CPLX2: variants seen among roughly 807,000 people sequenced by gnomAD.
The protein encoded by CPLX2 is complexin 2.
A neutral mutation model predicts 16.3 loss-of-function variants in CPLX2; 5 were observed. The observed-to-expected ratio is 0.31, with a 90% CI of 0.16 to 0.64. CPLX2 has a LOEUF of 0.64. CPLX2 is among the 30% of genes least tolerant of loss of function. CPLX2 has a pLI of 0.79. For missense variants in CPLX2, 144 were observed against 181.4 expected (o/e 0.79, Z 1.18); for synonymous variants, 89 against 73.2 (o/e 1.22, Z -1.10).
intron 1 of CPLX2, among the ~76,000 whole-genome samples, chr5:175,877,749 C>T (rs530285998): frequency 6.6e-6 from 1 of 152,226 alleles, no homozygotes; most frequent in Non-Finnish European, 1.5e-5. Context: ...CCCCCACCAC[C>T]TCCACTGGAA....
chr5:175,809,109 A>C lies in CPLX2; in HGVS notation c.-89+41A>C, dbSNP rs866413914. The C allele has an allele frequency of 6.6e-6, 1 of 152,290 alleles. No homozygotes were observed. Among genetic ancestry groups the C allele is most frequent in the South Asian group, 2.1e-4 (1 of 4,828 alleles). The allele number at this position is 152,290 out of a possible 1,614,324, so 9.4% of individuals were successfully genotyped here. ...AGCACTAAAGCCCTGGATAGTGTTC[A>C]GGGCATCCCCTCATCCCTGGAGCCC... On this transcript the variant is annotated intron_variant, in intron 2 of 4. Coordinates refer to the CPLX2 transcript ENST00000359546. The surrounding 1 kb of genome is among the most constrained non-coding windows in gnomAD (Gnocchi z 4.4).
rs533680395 is a variant in CPLX2 at position 175,836,178 on chromosome 5, G to A, written c.-89+27110G>A. Among the ~76,000 whole-genome samples, 23 of 152,110 alleles carry A rather than the reference G, an allele frequency of 1.5e-4. No individual in the cohort carries two copies. In the South Asian group the frequency reaches 2.5e-3, roughly 16 times the overall value. On this transcript the variant is annotated intron_variant, in intron 2 of 4. Coordinates refer to the CPLX2 transcript ENST00000359546. ...ATCCTGGCTAACACGGTGAAACCCC[G>A]TCTCTACTAAAAATACAAAAAATTA...
chr5:175,822,500 G>A (rs1033724017), intron 2 of CPLX2, among the ~76,000 whole-genome samples: 2 of 152,202 alleles, frequency 1.3e-5, no homozygotes, highest in Non-Finnish European at 2.9e-5. Context: ...TACCGTTAAC[G>A]AGGCTCTTTA....
chr5:175,872,458 G>A lies in CPLX2; in HGVS notation c.-89+753G>A, dbSNP rs1759651195. On this transcript the variant is annotated intron_variant, in intron 1 of 3. Transcript: ENST00000393745. This position sits in a 1 kb window ranked among gnomAD's most constrained non-coding sequence, Gnocchi z 5.0. ...GGGTCTTGGGGTTGGAGCTATGTGT[G>A]TTGGGGGAAGGGGCGCTCTCCGTGG... is the stretch of plus-strand genomic sequence containing the variant. Among the ~76,000 whole-genome samples the A allele has an allele frequency of 6.6e-6, 1 of 152,182 alleles. No homozygotes were observed. The highest frequency in any genetic ancestry group is 2.4e-5 in the African/African-American group (1 of 41,454).
intron 2 of CPLX2, among the ~76,000 whole-genome samples, chr5:175,865,713 C>T (rs1318368061): frequency 6.6e-6 from 1 of 152,208 alleles, no homozygotes; most frequent in East Asian, 1.9e-4. Context: ...TCTTATGATT[C>T]TCTGACTCTA....
intron 2 of CPLX2, among the ~76,000 whole-genome samples, chr5:175,860,350 A>G (rs1759337945): frequency 6.6e-6 from 1 of 151,626 alleles, no homozygotes; most frequent in Non-Finnish European, 1.5e-5. Flanking sequence ...TGAGCCCAGG[A>G]GGTTTTAGGC....
At chr5:175,847,495 T>C (rs1286914544) in intron 2 of CPLX2, among the ~76,000 whole-genome samples, 2 of 152,166 alleles carry the variant, frequency 1.3e-5, no homozygotes, top group Admixed American at 1.3e-4. Context: ...GAGCCGCCGC[T>C]AAAGCTAGGA....
chr5:175,798,886 C>A (rs1016155798), intron 1 of CPLX2, among the ~76,000 whole-genome samples: 1 of 152,164 alleles, frequency 6.6e-6, no homozygotes, highest in East Asian at 1.9e-4. Flanking sequence ...GACATCACAT[C>A]ATTTCATACA....
chr5:175,819,779 A>T (rs1198117776), intron 2 of CPLX2, among the ~76,000 whole-genome samples: 5 of 152,162 alleles, frequency 3.3e-5, no homozygotes, highest in Admixed American at 1.3e-4. Flanking sequence ...TATTTCACAG[A>T]TGAAATGGCC....
rs538921973 is a variant in CPLX2 at position 175,830,771 on chromosome 5, G to A, written c.-89+21703G>A. 6.6e-5 allele frequency among the ~76,000 whole-genome samples: 10 copies of A among 152,202 alleles called. No individual in the cohort carries two copies. Among genetic ancestry groups the A allele is most frequent in the Non-Finnish European group, 1.2e-4 (8 of 68,038 alleles). On this transcript the variant is annotated intron_variant, in intron 2 of 4. Transcript: ENST00000359546. This position sits in a 1 kb window ranked among gnomAD's most constrained non-coding sequence, Gnocchi z 4.0. Reference sequence around the variant, plus strand: ...TCCCTCCAGATCCTCACCCCTGTGGGCTGGGGGCAGCGTTCACCCTGCTCA... The same window carrying A: ...TCCCTCCAGATCCTCACCCCTGTGGACTGGGGGCAGCGTTCACCCTGCTCA...
chr5:175,829,796 C>T (rs560653381), intron 2 of CPLX2, among the ~76,000 whole-genome samples: 161 of 152,332 alleles, frequency 1.1e-3, no homozygotes, highest in African/African-American at 3.7e-3. Context: ...GACACAAAGC[C>T]AGAGATGCGG....
intron 1 of CPLX2, among the ~76,000 whole-genome samples, chr5:175,805,926 C>G (rs1460472067): frequency 1.3e-5 from 2 of 152,192 alleles, no homozygotes; most frequent in Non-Finnish European, 2.9e-5. Flanking sequence ...TCCCTCAGCT[C>G]CACACCTCAT....
rs954391389 is a variant in CPLX2, at chr5:175,882,430, CAGAG to C, written c.*2388_*2391del. The C allele has an allele frequency of 6.5e-6, 1 of 152,702 alleles. No individual in the cohort carries two copies. Among genetic ancestry groups the C allele is most frequent in the Non-Finnish European group, 1.5e-5 (1 of 68,090 alleles). 9.5% of individuals were successfully genotyped at this position (152,702 alleles called of 1,614,324 possible). On this transcript the variant is annotated 3_prime_UTR_variant, in exon 4 of 4. Transcript: ENST00000393745. ...AAACCTCGACAGTGATGCAAGGACA[CAGAG>C]AGTACCAGATAGGTAGCAGAGACCA... is the stretch of plus-strand genomic sequence containing the variant.
intron 2 of CPLX2, among the ~76,000 whole-genome samples, chr5:175,824,839 G>T (rs1391300711): frequency 6.6e-6 from 1 of 152,238 alleles, no homozygotes; most frequent in Non-Finnish European, 1.5e-5. Context: ...CAGGATTCCA[G>T]CAGGTGTGTC....
At chr5:175,846,228 G>T (rs1759042016) in intron 2 of CPLX2, among the ~76,000 whole-genome samples, 1 of 152,172 alleles carries the variant, frequency 6.6e-6, no homozygotes, top group Non-Finnish European at 1.5e-5. Context: ...TGACTCCACA[G>T]GACAGGCATG....
intron 1 of CPLX2, among the ~76,000 whole-genome samples, chr5:175,874,524 GTGAA>G (rs1380587302): frequency 1.3e-5 from 2 of 152,284 alleles, no homozygotes; most frequent in East Asian, 3.9e-4. Flanking sequence ...GAGCAACTGA[GTGAA>G]TGAATGAATG....
chr5:175,850,056 G>A (rs762252286), intron 2 of CPLX2, among the ~76,000 whole-genome samples: 4 of 152,338 alleles, frequency 2.6e-5, no homozygotes, highest in Non-Finnish European at 4.4e-5. Context: ...GCCACACCAC[G>A]GCATCAAGGC....
rs1411249827 is a variant in CPLX2 at position 175,825,405 on chromosome 5, A to G, written c.-89+16337A>G. 7.1e-5 allele frequency among the ~76,000 whole-genome samples: 10 copies of G among 141,466 alleles called. No homozygotes were observed. The East Asian group carries it at 1.8e-3, about 25-fold the overall frequency. 92.8% of individuals were successfully genotyped at this position (141,466 alleles called of 152,430 possible). ...CTCTGTCTCAAAAACAAACAAAAAGAAAAAAAAAAAGGAAAGAAAATGGGG... is the reference window on the plus strand; with the variant it reads ...CTCTGTCTCAAAAACAAACAAAAAGGAAAAAAAAAAGGAAAGAAAATGGGG... On this transcript the variant is annotated intron_variant, in intron 2 of 4. Coordinates refer to the CPLX2 transcript ENST00000359546.
At chr5:175,858,849 T>C (rs1180666096) in intron 2 of CPLX2, among the ~76,000 whole-genome samples, 1 of 152,256 alleles carries the variant, frequency 6.6e-6, no homozygotes, top group Non-Finnish European at 1.5e-5. Flanking sequence ...GCCTGTTGAT[T>C]GGTCTATGTG....
Sources: allele counts gnomAD v4.1 joint callset (sites outside exome capture counted in the v4.1 genomes callset), GRCh38; gene constraint gnomAD v4.1.1; non-coding constraint Gnocchi (gnomAD v3.1); transcripts MANE v1.5; gene names NCBI Gene and HGNC (gene_info 2026-07-23, HGNC 2026-07-21).